Variants in CNTNAP2 observed in about 807,000 individuals in gnomAD.
The protein encoded by CNTNAP2 is contactin associated protein 2, also known as contactin-associated protein-like 2.
CNTNAP2 carries 98 observed loss-of-function variants against 155.2 expected under a neutral mutation model. That is an observed-to-expected ratio of 0.63 (90% confidence interval 0.54 to 0.75). The LOEUF is 0.75. Among genes scored for constraint, CNTNAP2 ranks in the 30% least tolerant of loss-of-function variants. The pLI, the probability that CNTNAP2 is intolerant of heterozygous loss-of-function variation, is 0.00. For synonymous variants in CNTNAP2, 651 were observed against 631.2 expected, an observed-to-expected ratio of 1.03 and a Z score of -0.47; for missense variants, 1,727 against 1,688.1, an observed-to-expected ratio of 1.02 and a Z score of -0.40.
intron 1 of CNTNAP2, among the ~76,000 whole-genome samples, chr7:146,303,381 A>G (rs565945911): frequency 8.1e-6 from 1 of 122,942 alleles, no homozygotes; most frequent in Non-Finnish European, 1.6e-5. Flanking sequence ...TAAAGTAAAT[A>G]CAAAACAGAA....
chr7:148,183,626 C>A (rs1044985329), intron 18 of CNTNAP2, among the ~76,000 whole-genome samples: 1 of 151,840 alleles, frequency 6.6e-6, no homozygotes, highest in Non-Finnish European at 1.5e-5. Context: ...GGACTATAGG[C>A]ATGTGCTACC....
chr7:146,702,473 T>G (rs1381100493), intron 1 of CNTNAP2, among the ~76,000 whole-genome samples: 1 of 152,188 alleles, frequency 6.6e-6, no homozygotes, highest in Non-Finnish European at 1.5e-5. Flanking sequence ...GTCAGAGCTG[T>G]CTAATCGAAC....
intron 13 of CNTNAP2, among the ~76,000 whole-genome samples, chr7:147,840,942 T>C (rs1242536142): frequency 6.6e-6 from 1 of 152,112 alleles, no homozygotes; most frequent in Admixed American, 6.5e-5. Context: ...ACTTGTAAAG[T>C]TGGTTAAGCA....
intron 8 of CNTNAP2, among the ~76,000 whole-genome samples, chr7:147,182,836 G>A (rs1802490663): frequency 6.6e-6 from 1 of 152,036 alleles, no homozygotes; most frequent in African/African-American, 2.4e-5. Flanking sequence ...TGTGAAGACA[G>A]CATGTATTCA....
Position 147,744,796 on chromosome 7 carries a change from A to G in CNTNAP2, c.2098+105490A>G, listed in dbSNP as rs529207411. Among the ~76,000 whole-genome samples the G allele has an allele frequency of 6.6e-4, 100 of 152,192 alleles. 1 individual carries two copies. The highest frequency in any genetic ancestry group is 4.4e-4 in the Non-Finnish European group (30 of 68,002). On this transcript the variant is annotated intron_variant, in intron 13 of 23. Coordinates refer to ENST00000361727, the MANE Select transcript of CNTNAP2 (RefSeq NM_014141.6). Reference sequence around the variant, plus strand: ...GCTCTCTTTCTCTTCTAAGGACACCAATACTATCCTATCAGGGAGCATGCC... The same window carrying G: ...GCTCTCTTTCTCTTCTAAGGACACCGATACTATCCTATCAGGGAGCATGCC...
At chr7:148,049,883 C>A (rs1433637580) in intron 15 of CNTNAP2, among the ~76,000 whole-genome samples, 1 of 152,148 alleles carries the variant, frequency 6.6e-6, no homozygotes, top group Admixed American at 6.5e-5. Context: ...GTGAAACAGG[C>A]AGGGTACAGT....
At chr7:147,686,707 AAGG>A (rs1443964247) in intron 13 of CNTNAP2, among the ~76,000 whole-genome samples, 3 of 152,028 alleles carry the variant, frequency 2.0e-5, no homozygotes, top group Non-Finnish European at 4.4e-5. Flanking sequence ...GCTGTCCTGG[AAGG>A]AGGACTGATG....
At chr7:146,173,546 A>G (rs1389764967) in intron 1 of CNTNAP2, among the ~76,000 whole-genome samples, 1 of 152,130 alleles carries the variant, frequency 6.6e-6, no homozygotes, top group Non-Finnish European at 1.5e-5. Context: ...CTAAATTCAA[A>G]TCTGTGATGC....
At chr7:146,259,447 GC>G (rs1375131597) in intron 1 of CNTNAP2, among the ~76,000 whole-genome samples, 3 of 152,170 alleles carry the variant, frequency 2.0e-5, no homozygotes, top group Non-Finnish European at 4.4e-5. Flanking sequence ...TGACCAAAAT[GC>G]TATAGTGATA....
intron 4 of CNTNAP2, among the ~76,000 whole-genome samples, chr7:147,052,660 C>CT (rs1319093584): frequency 6.6e-6 from 1 of 151,716 alleles, no homozygotes; most frequent in African/African-American, 2.4e-5. Flanking sequence ...TTAAATCACA[C>CT]TTTTTTGAGG....
At chr7:147,202,051 A>G (rs886833805) in intron 8 of CNTNAP2, among the ~76,000 whole-genome samples, 6 of 152,204 alleles carry the variant, frequency 3.9e-5, no homozygotes, top group African/African-American at 1.4e-4. Context: ...TATTTGCATT[A>G]CGAGAATAAA....
intron 1 of CNTNAP2, among the ~76,000 whole-genome samples, chr7:146,139,513 G>C (rs539258618): frequency 1.9e-4 from 29 of 152,254 alleles, no homozygotes; most frequent in Non-Finnish European, 3.2e-4. Context: ...AGATGTGTTT[G>C]TATTAGAAGA....
chr7:146,866,513 G>T (rs1245116822), intron 3 of CNTNAP2, among the ~76,000 whole-genome samples: 5 of 151,970 alleles, frequency 3.3e-5, no homozygotes, highest in African/African-American at 1.2e-4. Flanking sequence ...CATTCCCACT[G>T]TTTTCTCATG....
chr7:148,075,319 C>T (rs1803464363), intron 15 of CNTNAP2, among the ~76,000 whole-genome samples: 1 of 152,190 alleles, frequency 6.6e-6, no homozygotes, highest in Non-Finnish European at 1.5e-5. Flanking sequence ...CACTGGTAAT[C>T]CCAGCTCCTC....
intron 3 of CNTNAP2, among the ~76,000 whole-genome samples, chr7:146,998,431 G>T (rs1373636985): frequency 6.6e-6 from 1 of 151,950 alleles, no homozygotes; most frequent in Non-Finnish European, 1.5e-5. Context: ...GTGGAGGCTT[G>T]TTTGATGGTC....
intron 12 of CNTNAP2, among the ~76,000 whole-genome samples, chr7:147,564,603 A>C (rs1800130494): frequency 6.6e-6 from 1 of 152,166 alleles, no homozygotes; most frequent in Non-Finnish European, 1.5e-5. Context: ...TTCATCTCAA[A>C]GGAAATTAGA....
At chr7:148,064,673 C>A (rs1443557465) in intron 15 of CNTNAP2, among the ~76,000 whole-genome samples, 7 of 111,066 alleles carry the variant, frequency 6.3e-5, no homozygotes, top group African/African-American at 2.5e-4. Context: ...TTTATAATAG[C>A]TGTTAAAAAA....
At chr7:147,526,677 G>A (rs1281310649) in intron 11 of CNTNAP2, among the ~76,000 whole-genome samples, 6 of 152,130 alleles carry the variant, frequency 3.9e-5, no homozygotes, top group Non-Finnish European at 5.9e-5. Context: ...ATATATTTCA[G>A]TATGTGCTCA....
At chr7:147,259,957 A>G (rs1395073551) in intron 8 of CNTNAP2, among the ~76,000 whole-genome samples, 3 of 152,238 alleles carry the variant, frequency 2.0e-5, no homozygotes, top group East Asian at 3.9e-4. Context: ...AACTGAGTAC[A>G]TTTTCCACTA....
Sources: allele counts gnomAD v4.1 joint callset (sites outside exome capture counted in the v4.1 genomes callset), GRCh38; gene constraint gnomAD v4.1.1; transcripts MANE v1.5; gene names NCBI Gene and HGNC (gene_info 2026-07-23, HGNC 2026-07-21).